The following ETS1 variants were observed in gnomAD, a reference collection of about 807,000 sequenced individuals.
ETS1 encodes protein C-ets-1.
A neutral mutation model predicts 58.6 loss-of-function variants in ETS1; 15 were observed. That is an observed-to-expected ratio of 0.26 (90% CI 0.17 to 0.39). The LOEUF is 0.39. ETS1 is among the 10% of genes least tolerant of loss of function. ETS1 has a pLI of 1.00. For missense variants in ETS1, 417 were observed against 610.5 expected, an observed-to-expected ratio of 0.68 and a Z score of 3.34; for synonymous variants, 214 against 218.2, an observed-to-expected ratio of 0.98 and a Z score of 0.17.
At chr11:128,586,412 C>T (rs1001987088) in intron 1 of ETS1, among the ~76,000 whole-genome samples, 2 of 152,132 alleles carry the variant, frequency 1.3e-5, no homozygotes, top group Non-Finnish European at 2.9e-5. Context: ...CCCACGGCCC[C>T]TGAAGAAAAA....
chr11:128,471,961 G>A (rs1239551587), intron 8 of ETS1, among the ~76,000 whole-genome samples: 3 of 152,210 alleles, frequency 2.0e-5, no homozygotes, highest in African/African-American at 7.2e-5. Flanking sequence ...TTGGAAGGTA[G>A]TTGAACTAGA....
chr11:128,511,945 A>G (rs1251748578), intron 3 of ETS1, among the ~76,000 whole-genome samples: 1 of 152,236 alleles, frequency 6.6e-6, no homozygotes, highest in African/African-American at 2.4e-5. Flanking sequence ...ATGAGCTCAA[A>G]TGTGGTGAAG....
At chr11:128,482,708 C>T (rs865775855) in intron 7 of ETS1, among the ~76,000 whole-genome samples, 9 of 152,266 alleles carry the variant, frequency 5.9e-5, no homozygotes, top group Non-Finnish European at 1.2e-4. Context: ...TGGGTAGAAT[C>T]CAACTGGATT....
intron 7 of ETS1, among the ~76,000 whole-genome samples, chr11:128,481,247 G>T (rs61909096): frequency 0.2 from 30,099 of 152,064 alleles, 3,695 homozygotes; most frequent in Admixed American, 0.3. Context: ...AAGAGTTAAG[G>T]TCCACAGCAG....
In ETS1 at chr11:128,576,610, C is replaced by A. The variant is rs541883366; in HGVS notation, c.-14-3466G>T. ...GTTTATTTTTCTTGAAAAGGACCTGCGCCACCTGAGCCGCAGGATAAGTGG... is the reference window on the plus strand; with the variant it reads ...GTTTATTTTTCTTGAAAAGGACCTGAGCCACCTGAGCCGCAGGATAAGTGG... On this transcript the variant is annotated intron_variant, in intron 1 of 9. Transcript: ENST00000392668. Among the ~76,000 whole-genome samples the A allele has an allele frequency of 7.2e-5, 11 of 152,212 alleles. No homozygotes were observed. In the South Asian group the frequency reaches 2.3e-3, roughly 32 times the overall value.
At chr11:128,497,384 G>A (rs1378380808) in intron 3 of ETS1, among the ~76,000 whole-genome samples, 1 of 152,222 alleles carries the variant, frequency 6.6e-6, no homozygotes, top group African/African-American at 2.4e-5. Context: ...AAATTGCATG[G>A]AGAAGCTGGT....
rs117122586 is a variant in ETS1 at position 128,573,352 on chromosome 11, T to C, written c.-14-208A>G. On this transcript the variant is annotated intron_variant, in intron 1 of 9. Coordinates refer to ENST00000392668, the MANE Select transcript of ETS1 (RefSeq NM_001143820.2). ...AAGAGCAGACCTCAGACAGAACCAG[T>C]TCCCTGGTTGCAAGGTAACATGGAT... Among the ~76,000 whole-genome samples the C allele has an allele frequency of 4.0e-3, 607 of 152,326 alleles. 1 individual carries two copies. The highest frequency in any genetic ancestry group is 5.5e-3 in the Non-Finnish European group (371 of 68,028).
At chr11:128,495,034 C>T (rs1862901566) in intron 3 of ETS1, among the ~76,000 whole-genome samples, 1 of 152,186 alleles carries the variant, frequency 6.6e-6, no homozygotes. Context: ...AAATGCTTTA[C>T]AGTTTGCCAA....
chr11:128,527,053 C>T (rs1241282609), intron 3 of ETS1: 1 of 442,660 alleles, frequency 2.3e-6, no homozygotes, highest in Non-Finnish European at 4.5e-6. Flanking sequence ...TACCAGACAC[C>T]CTTGAGACAC....
intron 8 of ETS1, among the ~76,000 whole-genome samples, chr11:128,470,165 A>G (rs960828979): frequency 6.6e-6 from 1 of 152,228 alleles, no homozygotes; most frequent in African/African-American, 2.4e-5. Flanking sequence ...CAGCTCTCAA[A>G]TCAGTTAAAA....
intron 3 of ETS1, among the ~76,000 whole-genome samples, chr11:128,541,524 G>T (rs1037095537): frequency 6.6e-6 from 1 of 152,232 alleles, no homozygotes; most frequent in Non-Finnish European, 1.5e-5. Flanking sequence ...GCCTTAGAAT[G>T]AGAGGAACCA....
intron 6 of ETS1, among the ~76,000 whole-genome samples, chr11:128,485,604 G>A (rs929550399): frequency 1.3e-5 from 2 of 152,052 alleles, no homozygotes; most frequent in East Asian, 1.9e-4. Context: ...TATCTTACAC[G>A]AAAAAGGAGA....
At chr11:128,559,380 A>T (rs1864368672) in intron 2 of ETS1, among the ~76,000 whole-genome samples, 2 of 152,204 alleles carry the variant, frequency 1.3e-5, no homozygotes, top group Non-Finnish European at 2.9e-5. Flanking sequence ...TTGTAGGTCA[A>T]CTCACAGGCT....
intron 3 of ETS1, among the ~76,000 whole-genome samples, chr11:128,493,978 A>G (rs937399664): frequency 6.6e-6 from 1 of 152,224 alleles, no homozygotes; most frequent in Admixed American, 6.5e-5. Context: ...GCCTAAGCAG[A>G]TATCGCTTTA....
chr11:128,493,238 G>A (rs1185491914), intron 3 of ETS1, among the ~76,000 whole-genome samples: 3 of 152,190 alleles, frequency 2.0e-5, no homozygotes, highest in South Asian at 2.1e-4. Context: ...AGCCAAGGAC[G>A]ACAGCAGAAA....
chr11:128,507,943 T>C (rs1863286670), intron 3 of ETS1, among the ~76,000 whole-genome samples: 1 of 152,208 alleles, frequency 6.6e-6, no homozygotes, highest in Admixed American at 6.5e-5. Context: ...GCAATTAAAA[T>C]AATTTTAAAT....
At chr11:128,537,085 C>T (rs1197233659) in intron 3 of ETS1, among the ~76,000 whole-genome samples, 1 of 152,142 alleles carries the variant, frequency 6.6e-6, no homozygotes, top group Non-Finnish European at 1.5e-5. Flanking sequence ...CAATGTTTTG[C>T]ACAACTTTGA....
chr11:128,526,052 A>G (rs12805524), intron 3 of ETS1: 33,248 of 151,720 alleles, frequency 0.22, 4,518 homozygotes, highest in South Asian at 0.34. Flanking sequence ...CAGGGAATAA[A>G]ATCAGCCCTA....
chr11:128,572,206 G>A (rs1194691738), intron 2 of ETS1: 1 of 150,334 alleles, frequency 6.7e-6, no homozygotes, highest in Non-Finnish European at 1.5e-5. Context: ...CCAGAAGATA[G>A]AGGTTGGAGT....
Sources: gnomAD v4.1 joint callset for allele counts (sites outside exome capture counted in the v4.1 genomes callset) on GRCh38, gnomAD v4.1.1 for gene constraint, MANE v1.5 for transcripts, NCBI Gene and HGNC (gene_info 2026-07-23, HGNC 2026-07-21) for gene names.